The following AVL9 variants were observed in gnomAD, a reference collection of about 807,000 sequenced individuals.
AVL9 encodes the protein AVL9 cell migration associated.
AVL9 carries 49 observed loss-of-function variants against 79.2 expected under a neutral mutation model. That is an observed-to-expected ratio of 0.62 (90% CI 0.49 to 0.79). AVL9 has a LOEUF of 0.79. Among genes scored for constraint, AVL9 ranks in the 30% least tolerant of loss-of-function variants. The probability of loss-of-function intolerance (pLI) is 0.00; values close to 1 mark genes in which losing one functional copy is unlikely to be tolerated. For missense variants in AVL9, 682 were observed against 776.8 expected (o/e 0.88, Z 1.45); for synonymous variants, 299 against 280.6 (o/e 1.07, Z -0.65).
intron 13 of AVL9, among the ~76,000 whole-genome samples, chr7:32,579,278 T>TTATATA (rs5883360): frequency 9.4e-6 from 1 of 106,010 alleles, no homozygotes; most frequent in Admixed American, 1.5e-4. Flanking sequence ...ATGCCTGATT[T>TTATATA]TATATATATA....
chr7:32,568,652 TATA>T (rs1273934448), intron 10 of AVL9, among the ~76,000 whole-genome samples: 2 of 152,212 alleles, frequency 1.3e-5, no homozygotes, highest in African/African-American at 2.4e-5. Flanking sequence ...TCACATATGA[TATA>T]ATATTTGTAG....
chr7:32,547,318 C>A (rs1789561822), intron 3 of AVL9, among the ~76,000 whole-genome samples: 1 of 152,140 alleles, frequency 6.6e-6, no homozygotes, highest in Admixed American at 6.5e-5. Flanking sequence ...ATTATCCTTG[C>A]CTATGTGCAC....
At chr7:32,549,929 A>C (rs1373351642) in intron 4 of AVL9, among the ~76,000 whole-genome samples, 2 of 29,538 alleles carry the variant, frequency 6.8e-5, no homozygotes, top group Non-Finnish European at 8.4e-5. Flanking sequence ...AAAAAAAAAA[A>C]AGAAAGAAAG....
chr7:32,529,155 A>AT (rs1348557014), intron 1 of AVL9, among the ~76,000 whole-genome samples: 23 of 152,250 alleles, frequency 1.5e-4, no homozygotes, highest in Admixed American at 1.4e-3. Flanking sequence ...CAGTCCATGA[A>AT]TGGGATGCCT....
intron 13 of AVL9, among the ~76,000 whole-genome samples, chr7:32,576,574 G>A (rs11977494): frequency 0.19 from 28,233 of 151,908 alleles, 2,883 homozygotes; most frequent in South Asian, 0.3. Flanking sequence ...ACCTGAGGTC[G>A]GGAGTTCAAG....
chr7:32,580,944 T>C (rs971742666), intron 15 of AVL9, 54 bp downstream of exon 15: 24 of 1,236,820 alleles, frequency 1.9e-5, no homozygotes, highest in Middle Eastern at 1.9e-4. Context: ...ATCCATTTTC[T>C]ATCTTTAATA....
chr7:32,512,540 T>G (rs1303448263), intron 1 of AVL9, among the ~76,000 whole-genome samples: 1 of 152,182 alleles, frequency 6.6e-6, no homozygotes, highest in East Asian at 1.9e-4. Context: ...CATCTTTGCC[T>G]CCTCCTGTGT....
At chr7:32,563,149 A>G (rs1562790973) in intron 10 of AVL9, among the ~76,000 whole-genome samples, 1 of 152,070 alleles carries the variant, frequency 6.6e-6, no homozygotes, top group Non-Finnish European at 1.5e-5. Context: ...CTCCTGCCTC[A>G]GCCTCCCTAG....
intron 14 of AVL9, 29 bp from the exon 15 acceptor site, chr7:32,580,773 A>G (rs777935622): frequency 6.4e-7 from 1 of 1,562,810 alleles, no homozygotes; most frequent in East Asian, 2.2e-5. Context: ...ATTGTACCTA[A>G]CACTTCTTTT....
chr7:32,507,723 G>C (rs922612673), intron 1 of AVL9, among the ~76,000 whole-genome samples: 1 of 152,158 alleles, frequency 6.6e-6, no homozygotes, highest in East Asian at 1.9e-4. Flanking sequence ...GATGTCTCTT[G>C]GTGCACGTGT....
chr7:32,562,573 A>G (rs1790374658), intron 10 of AVL9: 41 of 955,698 alleles, frequency 4.3e-5, no homozygotes, highest in Non-Finnish European at 5.0e-5. Flanking sequence ...TCAGGATATC[A>G]TTTCTTAATG....
chr7:32,529,523 A>C (rs948890299), intron 1 of AVL9, among the ~76,000 whole-genome samples: 1 of 152,236 alleles, frequency 6.6e-6, no homozygotes, highest in African/African-American at 2.4e-5. Context: ...TTTCATTTAG[A>C]AAAAGCAAAG....
intron 1 of AVL9, among the ~76,000 whole-genome samples, chr7:32,502,493 G>C (rs1787186952): frequency 6.6e-6 from 1 of 150,624 alleles, no homozygotes; most frequent in Non-Finnish European, 1.5e-5. Context: ...TTCTGTATTA[G>C]TAAATAATTG....
chr7:32,498,237 ATTTTTT>A (rs10547851), intron 1 of AVL9, among the ~76,000 whole-genome samples: 2 of 89,818 alleles, frequency 2.2e-5, no homozygotes, highest in East Asian at 3.5e-4. Context: ...AAGTCCTCAG[ATTTTTT>A]TTTTTTTTTT....
chr7:32,544,883 AT>A, intron 3 of AVL9, 104 bp downstream of exon 3: 1 of 765,390 alleles, frequency 1.3e-6, no homozygotes, highest in South Asian at 2.0e-5. Flanking sequence ...GTTGTTTTAG[AT>A]TTTTGTATAC....
At chr7:32,516,168 T>C (rs1009928248) in intron 1 of AVL9, among the ~76,000 whole-genome samples, 2 of 152,344 alleles carry the variant, frequency 1.3e-5, no homozygotes, top group Middle Eastern at 3.4e-3. Context: ...CTTTGGCTTT[T>C]GTGAGTAGCA....
chr7:32,501,825 G>A (rs1787140327), intron 1 of AVL9, among the ~76,000 whole-genome samples: 1 of 152,122 alleles, frequency 6.6e-6, no homozygotes, highest in East Asian at 1.9e-4. Flanking sequence ...GCTGAATGTA[G>A]ATTTTTGCTA....
At chr7:32,537,869 T>C (rs900945838) in intron 1 of AVL9, 3 of 152,222 alleles carry the variant, frequency 2.0e-5, no homozygotes, top group African/African-American at 7.2e-5. Flanking sequence ...AAGAGAATTA[T>C]AGAAAGCTGC....
intron 1 of AVL9, among the ~76,000 whole-genome samples, chr7:32,502,406 A>AAAAAAAAAAAAAAAAAAAAAAG (rs201243248): frequency 7.1e-6 from 1 of 140,110 alleles, no homozygotes; most frequent in Non-Finnish European, 1.5e-5. Flanking sequence ...AAAAAAAAAA[A>AAAAAAAAAAAAAAAAAAAAAAG]AAAGAAAGAA....
Sources: allele counts gnomAD v4.1 joint callset (sites outside exome capture counted in the v4.1 genomes callset), GRCh38; gene constraint gnomAD v4.1.1; transcripts MANE v1.5; gene names NCBI Gene and HGNC (gene_info 2026-07-23, HGNC 2026-07-21).